LPAR1: variants seen among roughly 807,000 people sequenced by gnomAD.
LPAR1 encodes the protein LPA receptor 1.
Under a neutral mutation model 23.8 loss-of-function variants are expected in LPAR1, and 5 were observed. The ratio of observed to expected loss-of-function variants is 0.21; its 90% CI spans 0.11 to 0.44. LPAR1 has a LOEUF of 0.44. LPAR1 is among the 20% of genes least tolerant of loss of function. LPAR1 has a pLI of 0.99. For missense variants in LPAR1, 311 were observed against 482.8 expected, an observed-to-expected ratio of 0.64 and a Z score of 3.33; for synonymous variants, 160 against 164.7, an observed-to-expected ratio of 0.97 and a Z score of 0.22.
At chr9:110,990,043 C>T (rs753993673) in intron 2 of LPAR1, among the ~76,000 whole-genome samples, 4 of 152,058 alleles carry the variant, frequency 2.6e-5, no homozygotes, top group Non-Finnish European at 4.4e-5. Context: ...ATGATAGAGT[C>T]TCTTTATCAA....
intron 5 of LPAR1, among the ~76,000 whole-genome samples, chr9:110,885,933 C>T (rs1203470884): frequency 6.6e-6 from 1 of 152,172 alleles, no homozygotes; most frequent in Admixed American, 6.5e-5. Flanking sequence ...CGTGGTGGCT[C>T]ATGCCTGTAA....
At chr9:111,035,241 A>T (rs1345496992) in intron 2 of LPAR1, among the ~76,000 whole-genome samples, 3 of 150,646 alleles carry the variant, frequency 2.0e-5, no homozygotes, top group Non-Finnish European at 4.4e-5. Flanking sequence ...TTTTTTTTTT[A>T]AGAGACAGAG....
At chr9:111,018,195 G>A (rs1215259877) in intron 2 of LPAR1, among the ~76,000 whole-genome samples, 1 of 152,148 alleles carries the variant, frequency 6.6e-6, no homozygotes, top group Non-Finnish European at 1.5e-5. Flanking sequence ...TGTCATCCAG[G>A]ACAGATTATT....
At chr9:110,924,478 G>A (rs1361603040) in intron 5 of LPAR1, among the ~76,000 whole-genome samples, 2 of 150,242 alleles carry the variant, frequency 1.3e-5, no homozygotes, top group African/African-American at 4.8e-5. Context: ...AATTATGGAA[G>A]GTAAAATTCT....
At chr9:110,879,164 C>T (rs2079977969) in intron 5 of LPAR1, among the ~76,000 whole-genome samples, 1 of 152,064 alleles carries the variant, frequency 6.6e-6, no homozygotes, top group African/African-American at 2.4e-5. Flanking sequence ...CGCCTGTAAT[C>T]CTAGCACTTT....
intron 4 of LPAR1, among the ~76,000 whole-genome samples, chr9:110,961,259 T>C (rs1226300392): frequency 6.7e-6 from 1 of 148,622 alleles, no homozygotes; most frequent in African/African-American, 2.5e-5. Context: ...CTCCTATGAG[T>C]AAATGTATTA....
Position 110,942,164 on chromosome 9 carries a change from G to C in LPAR1, c.50C>G (p.Thr17Arg). Reference protein sequence around the residue: ...SIPVISQPQFTAMNEPQCFYN... With the variant: ...SIPVISQPQFRAMNEPQCFYN... ...GAAGCACTGTGGTTCATTCATGGCT[G>C]TGAACTAAAAGAAAAAGGAGAAAAG... is the stretch of plus-strand genomic sequence containing the variant. The change falls in exon 5 of 6, where the codon ACA becomes AGA. Residue 17 changes from threonine (T) to arginine (R), a missense_variant. By Grantham distance (71) the Thr-to-Arg change is moderately conservative. Coordinates refer to ENST00000683809, the MANE Select transcript of LPAR1 (RefSeq NM_001351411.2). 6.3e-7 allele frequency: 1 copy of C among 1,599,240 alleles called. No individual in the cohort carries two copies. The highest frequency in any genetic ancestry group is 8.5e-7 in the Non-Finnish European group (1 of 1,174,790).
Position 110,967,054 on chromosome 9 carries a change from T to C in LPAR1, c.45+5019A>G, listed in dbSNP as rs78964353. On this transcript the variant is annotated intron_variant, in intron 4 of 5. Transcript: ENST00000683809. ...CGAACACATTAACTCAACCTAATGATGAACAGGTTCCTGTCTGCAAATACA... is the reference window on the plus strand; with the variant it reads ...CGAACACATTAACTCAACCTAATGACGAACAGGTTCCTGTCTGCAAATACA... 5.8e-3 allele frequency among the ~76,000 whole-genome samples: 877 copies of C among 152,346 alleles called. 4 individuals are homozygous for C. Among genetic ancestry groups the C allele is most frequent in the Non-Finnish European group, 8.7e-3 (589 of 68,032 alleles).
intron 2 of LPAR1, among the ~76,000 whole-genome samples, chr9:111,000,980 G>T (rs1183608854): frequency 1.3e-5 from 2 of 151,982 alleles, no homozygotes; most frequent in African/African-American, 4.8e-5. Context: ...AACCCCTTTT[G>T]TTCACTGCAT....
intron 2 of LPAR1, among the ~76,000 whole-genome samples, chr9:110,983,105 T>A (rs980187704): frequency 6.6e-6 from 1 of 152,008 alleles, no homozygotes. Context: ...GTATAGAGGT[T>A]CCTCAAAAAA....
At chr9:110,894,088 T>C (rs577334711) in intron 5 of LPAR1, among the ~76,000 whole-genome samples, 1 of 152,344 alleles carries the variant, frequency 6.6e-6, no homozygotes, top group South Asian at 2.1e-4. Flanking sequence ...TTTACCAGTT[T>C]AAAACAAAAC....
intron 2 of LPAR1, among the ~76,000 whole-genome samples, chr9:111,030,911 C>T (rs752483895): frequency 6.6e-6 from 1 of 152,120 alleles, no homozygotes; most frequent in Non-Finnish European, 1.5e-5. Context: ...CAGACAGATA[C>T]ACACACAAAC....
At position 110,946,792 on chromosome 9, in the gene LPAR1, A is replaced by G. The variant is rs2095398676; in HGVS notation, c.46-4624T>C. On this transcript the variant is annotated intron_variant, in intron 4 of 5. Transcript: ENST00000683809. ...GGTTATAAAACTTAAAGCAAATATC[A>G]AAAATAATTATTGAAAGAAGCTATA... Among the ~76,000 whole-genome samples the G allele has an allele frequency of 1.3e-5, 2 of 152,168 alleles. 1 individual carries two copies. The highest frequency in any genetic ancestry group is 2.9e-5 in the Non-Finnish European group (2 of 68,014).
chr9:110,880,538 G>C (rs1485146122), intron 5 of LPAR1, among the ~76,000 whole-genome samples: 1 of 152,228 alleles, frequency 6.6e-6, no homozygotes, highest in Non-Finnish European at 1.5e-5. Flanking sequence ...CAGTGTCCAA[G>C]ATTTTTGATG....
chr9:110,990,294 C>T (rs564405259), intron 2 of LPAR1, among the ~76,000 whole-genome samples: 8 of 152,238 alleles, frequency 5.3e-5, no homozygotes, highest in African/African-American at 1.7e-4. Flanking sequence ...CCAGACTACA[C>T]ATTCCTCTCA....
chr9:110,970,291 T>C (rs771769185), intron 4 of LPAR1, among the ~76,000 whole-genome samples: 7 of 152,114 alleles, frequency 4.6e-5, no homozygotes, highest in Admixed American at 1.3e-4. Flanking sequence ...AGTCATTACA[T>C]GGGAACAGCT....
intron 2 of LPAR1, among the ~76,000 whole-genome samples, chr9:111,035,396 AT>A (rs1329438185): frequency 1.3e-5 from 2 of 151,486 alleles, no homozygotes; most frequent in Admixed American, 6.6e-5. Flanking sequence ...TAATGTTTCT[AT>A]TTTTTTTATA....
intron 5 of LPAR1, among the ~76,000 whole-genome samples, chr9:110,925,484 T>C (rs564276094): frequency 1.3e-5 from 2 of 152,250 alleles, no homozygotes; most frequent in Admixed American, 1.3e-4. Context: ...TCTACATCAT[T>C]GATTGAATGA....
chr9:110,893,168 A>G (rs188711332), intron 5 of LPAR1, among the ~76,000 whole-genome samples: 30 of 152,350 alleles, frequency 2.0e-4, no homozygotes, highest in Admixed American at 2.0e-3. Context: ...GAGTCATTTG[A>G]CCATCTTTTT....
Sources: allele counts gnomAD v4.1 joint callset (sites outside exome capture counted in the v4.1 genomes callset), GRCh38; gene constraint gnomAD v4.1.1; transcripts MANE v1.5; gene names NCBI Gene and HGNC (gene_info 2026-07-23, HGNC 2026-07-21).